PDLIM5: variants seen among roughly 807,000 people sequenced by gnomAD.
PDLIM5 encodes PDZ and LIM domain protein 5.
A neutral mutation model predicts 64.2 loss-of-function variants in PDLIM5; 34 were observed. That is an observed-to-expected ratio of 0.53 (90% confidence interval 0.40 to 0.71). The LOEUF is 0.71. Ranked by LOEUF, PDLIM5 falls within the 30% of genes least tolerant of loss-of-function variation. The pLI is 0.00. For missense variants in PDLIM5, 683 were observed against 733.6 expected, an observed-to-expected ratio of 0.93 and a Z score of 0.80; for synonymous variants, 253 against 269.1, an observed-to-expected ratio of 0.94 and a Z score of 0.59.
rs746639901 is a variant in PDLIM5, at chr4:94,587,018, C to A, written c.920+574C>A. The A allele has an allele frequency of 2.2e-5, 35 of 1,604,146 alleles. No individual in the cohort carries two copies. In the East Asian group the frequency reaches 7.6e-4, roughly 35 times the overall value. On this transcript the variant is annotated intron_variant, in intron 7 of 12. Coordinates refer to ENST00000317968, the MANE Select transcript of PDLIM5 (RefSeq NM_006457.5). ...AAGATACCCCTTCACGTCTTTAGTC[C>A]CAAATACACAAAATTACGTGACTGG...
chr4:94,654,627 G>A lies in PDLIM5; in HGVS notation c.1451G>A (p.Arg484Lys), dbSNP rs1035447491. The A allele has an allele frequency of 6.2e-6, 10 of 1,607,608 alleles. No homozygotes were observed. The highest frequency in any genetic ancestry group is 8.5e-6 in the Non-Finnish European group (10 of 1,174,516). ...FFAPECGRCQRKILGEVISAL... is the reference protein window; with the variant it reads ...FFAPECGRCQKKILGEVISAL... ...GCCCCTGAATGTGGTCGATGCCAAA[G>A]GAAGATCCTTGGAGTAAGTATTGGA... The change falls in exon 10 of 13, where the codon AGG becomes AAG. Residue 484 changes from arginine (R) to lysine (K), a missense_variant. Coordinates refer to ENST00000317968, the MANE Select transcript of PDLIM5 (RefSeq NM_006457.5).
chr4:94,555,332 G>A (rs768409736), intron 3 of PDLIM5, among the ~76,000 whole-genome samples: 2 of 152,230 alleles, frequency 1.3e-5, no homozygotes, highest in Non-Finnish European at 2.9e-5. Context: ...TGGGATTACA[G>A]GCATGAGCCA....
At chr4:94,588,134 T>A in intron 7 of PDLIM5, 1 of 952,592 alleles carries the variant, frequency 1.0e-6, no homozygotes, top group Non-Finnish European at 1.2e-6. Flanking sequence ...CTTAGCTTTG[T>A]ACTTGTTCTG....
chr4:94,581,486 G>A (rs1216823826), intron 5 of PDLIM5, among the ~76,000 whole-genome samples: 1 of 152,154 alleles, frequency 6.6e-6, no homozygotes, highest in Non-Finnish European at 1.5e-5. Flanking sequence ...AGGCAGAGGA[G>A]AGAATGCTGT....
At chr4:94,503,000 G>C (rs372309062) in intron 2 of PDLIM5, among the ~76,000 whole-genome samples, 16 of 152,284 alleles carry the variant, frequency 1.1e-4, no homozygotes, top group African/African-American at 3.8e-4. Flanking sequence ...TGCAGGGCGA[G>C]CTTTGGTAAG....
intron 9 of PDLIM5, among the ~76,000 whole-genome samples, chr4:94,647,956 T>C (rs1741547447): frequency 1.3e-5 from 2 of 152,146 alleles, no homozygotes; most frequent in Non-Finnish European, 2.9e-5. Flanking sequence ...AGAAAATACT[T>C]TGAGCTGAAT....
intron 2 of PDLIM5, among the ~76,000 whole-genome samples, chr4:94,474,277 G>A (rs1196994184): frequency 6.6e-6 from 1 of 152,140 alleles, no homozygotes; most frequent in African/African-American, 2.4e-5. Flanking sequence ...TTGAGACAGA[G>A]TCTTGCTCTG....
At chr4:94,533,226 G>C (rs976544331) in intron 3 of PDLIM5, among the ~76,000 whole-genome samples, 10 of 152,164 alleles carry the variant, frequency 6.6e-5, no homozygotes, top group Non-Finnish European at 1.2e-4. Flanking sequence ...AAACAGATCT[G>C]ATAAATATGG....
At chr4:94,573,657 T>C in intron 4 of PDLIM5, 1 of 460,662 alleles carries the variant, frequency 2.2e-6, no homozygotes, top group South Asian at 3.1e-5. Context: ...CTATTCACTT[T>C]TGATGAGCCC....
chr4:94,659,812 G>T (rs1434329432), intron 11 of PDLIM5, among the ~76,000 whole-genome samples: 1 of 151,836 alleles, frequency 6.6e-6, no homozygotes, highest in Non-Finnish European at 1.5e-5. Context: ...ACAAGCGTGA[G>T]CCACCACGCC....
chr4:94,494,432 GTTTTTTTT>G (rs61675663), intron 2 of PDLIM5, among the ~76,000 whole-genome samples: 16,388 of 71,058 alleles, frequency 0.23, 1,978 homozygotes, highest in African/African-American at 0.5. Context: ...TTTTTTTCTT[GTTTTTTTT>G]TTTTTTTTTT....
chr4:94,469,960 ATTTTTTTT>A lies in PDLIM5; in HGVS notation c.96+14593_96+14600del, dbSNP rs34572366. 3.9e-4 allele frequency among the ~76,000 whole-genome samples: 28 copies of A among 71,570 alleles called. No homozygotes were observed. In the South Asian group the frequency reaches 5.7e-3, roughly 15 times the overall value. 47.0% of individuals were successfully genotyped at this position (71,570 alleles called of 152,430 possible). On this transcript the variant is annotated intron_variant, in intron 2 of 12. Coordinates refer to ENST00000317968, the MANE Select transcript of PDLIM5 (RefSeq NM_006457.5). The stretch of plus-strand genomic sequence containing the variant: ...ATTTTTCCTATTTTGCATTCTTTTA[ATTTTTTTT>A]TTTTTTTTTTTTTTTTGAGACAGAG...
At chr4:94,551,984 A>G (rs1257621296) in intron 3 of PDLIM5, among the ~76,000 whole-genome samples, 1 of 152,162 alleles carries the variant, frequency 6.6e-6, no homozygotes, top group Non-Finnish European at 1.5e-5. Context: ...AGGCAAAGAT[A>G]TTACGTAGTA....
At position 94,575,930 on chromosome 4, in the gene PDLIM5, T is replaced by C. The variant is rs1735213080; in HGVS notation, c.606T>C (p.Asn202=). 1 of 1,614,016 alleles carries C rather than the reference T, an allele frequency of 6.2e-7. No individual in the cohort carries two copies. Among genetic ancestry groups the C allele is most frequent in the Non-Finnish European group, 8.5e-7 (1 of 1,179,982 alleles). The change falls in exon 5 of 13, where the codon AAT becomes AAC. Residue 202 remains asparagine (N), a synonymous_variant. Coordinates refer to ENST00000317968, the MANE Select transcript of PDLIM5 (RefSeq NM_006457.5). ...SALSAGKTAV[N]VPRQPTVTSV... ...TGAGCGCTGGTAAAACTGCAGTTAA[T>C]GTCCCACGGCAGCCCACAGTCACCA... is the stretch of plus-strand genomic sequence containing the variant.
chr4:94,611,048 C>T, intron 7 of PDLIM5: 3 of 1,523,644 alleles, frequency 2.0e-6, no homozygotes. Context: ...TGACTTAAAA[C>T]TCTTTCTAAA....
In PDLIM5 at chr4:94,668,059, G is replaced by C. The variant is rs1265099581; in HGVS notation, c.*3992G>C. ...GATTTGGATTCTCAATGTATAAGTT[G>C]CCTTATCTGTTAATGTCTATCTTCT... is the stretch of plus-strand genomic sequence containing the variant. On this transcript the variant is annotated 3_prime_UTR_variant, in exon 13 of 13. Transcript: ENST00000317968. 3 of 152,080 alleles carry C rather than the reference G, an allele frequency of 2.0e-5. No individual in the cohort carries two copies. Among genetic ancestry groups the C allele is most frequent in the Non-Finnish European group, 4.4e-5 (3 of 68,000 alleles). 9.4% of individuals were successfully genotyped at this position (152,080 alleles called of 1,614,324 possible).
chr4:94,658,027 A>C (rs1338331990), intron 11 of PDLIM5, among the ~76,000 whole-genome samples: 1 of 152,228 alleles, frequency 6.6e-6, no homozygotes, highest in Non-Finnish European at 1.5e-5. Flanking sequence ...ACTTTGTCAA[A>C]ACAGATATTC....
intron 8 of PDLIM5, among the ~76,000 whole-genome samples, chr4:94,626,143 T>A (rs1260794216): frequency 6.6e-6 from 1 of 152,190 alleles, no homozygotes; most frequent in Non-Finnish European, 1.5e-5. Context: ...TTTGCTTCTG[T>A]TGTACCCCAT....
chr4:94,505,577 T>G (rs1728319714), intron 2 of PDLIM5, among the ~76,000 whole-genome samples: 2 of 152,188 alleles, frequency 1.3e-5, no homozygotes, highest in African/African-American at 4.8e-5. Context: ...TCACCTATAT[T>G]TCTGATCAAC....
Sources: gnomAD v4.1 joint callset for allele counts (sites outside exome capture counted in the v4.1 genomes callset) on GRCh38, gnomAD v4.1.1 for gene constraint, MANE v1.5 for transcripts, NCBI Gene and HGNC (gene_info 2026-07-23, HGNC 2026-07-21) for gene names.